The following PDE4DIP variants were observed in gnomAD, a reference collection of about 807,000 sequenced individuals.
PDE4DIP encodes the protein myomegalin.
In PDE4DIP, 59 loss-of-function variants were observed where a neutral mutation model predicts 221.4. The ratio of observed to expected loss-of-function variants is 0.27; its 90% CI spans 0.22 to 0.33. The LOEUF (loss-of-function observed/expected upper bound fraction) is 0.33. Among genes scored for constraint, PDE4DIP ranks in the 10% least tolerant of loss-of-function variants. The probability of loss-of-function intolerance (pLI) is 1.00; values close to 1 mark genes in which losing one functional copy is unlikely to be tolerated. For synonymous variants in PDE4DIP, 404 were observed against 815.9 expected (o/e 0.50, Z 8.60); for missense variants, 1,036 against 2,154.2 (o/e 0.48, Z 10.28).
chr1:148,998,629 C>T (rs1470193540), intron 23 of PDE4DIP, among the ~76,000 whole-genome samples: 2 of 149,340 alleles, frequency 1.3e-5, no homozygotes, highest in East Asian at 2.0e-4. Context: ...TGTTACATGA[C>T]CAGTATTGCT....
At chr1:148,820,789 G>A (rs1250640770) in intron 1 of PDE4DIP, among the ~76,000 whole-genome samples, 1 of 147,250 alleles carries the variant, frequency 6.8e-6, no homozygotes, top group East Asian at 2.0e-4. Flanking sequence ...AAGGTATCCC[G>A]AGCTAAATGA....
intron 9 of PDE4DIP, among the ~76,000 whole-genome samples, chr1:148,963,858 A>T (rs1284261915): frequency 7.7e-6 from 1 of 130,504 alleles, no homozygotes; most frequent in Non-Finnish European, 1.5e-5. Context: ...GGTTCACGCC[A>T]TTCTCCTGCC....
At chr1:149,009,901 G>A (rs1575313861) in intron 30 of PDE4DIP, 110 bp downstream of exon 33, 2 of 882,742 alleles carry the variant, frequency 2.3e-6, no homozygotes, top group African/African-American at 1.6e-5. Context: ...CATGGCTGTG[G>A]GGCCAAGTGC....
At chr1:149,018,634 C>G (rs374118946) in exon 35 of PDE4DIP, 2 of 1,612,688 alleles carry the variant, frequency 1.2e-6, no homozygotes, top group African/African-American at 2.7e-5. Context: ...TCGAAGACTT[C>G]AGGCTCAACT....
At chr1:148,830,394 A>C (rs1553368321) in intron 1 of PDE4DIP, among the ~76,000 whole-genome samples, 12 of 42,788 alleles carry the variant, frequency 2.8e-4, no homozygotes, top group Admixed American at 4.6e-4. Flanking sequence ...GCCCCATTCC[A>C]CTCCAGCTAC....
chr1:148,975,540 A>T (rs1372802549), intron 17 of PDE4DIP, among the ~76,000 whole-genome samples: 1 of 151,948 alleles, frequency 6.6e-6, no homozygotes, highest in Non-Finnish European at 1.5e-5. Context: ...TCCTAAGAAG[A>T]TTCATTTCCT....
chr1:148,979,958 A>T lies in PDE4DIP; in HGVS notation c.2687+109A>T, dbSNP rs2060814273. The T allele has an allele frequency of 4.4e-6, 6 of 1,376,062 alleles. No homozygotes were observed. The South Asian group carries it at 7.7e-5, about 18-fold the overall frequency. 85.2% of individuals were successfully genotyped at this position (1,376,062 alleles called of 1,614,324 possible). On this transcript the variant is annotated intron_variant, in intron 20 of 43. Transcript: ENST00000369354. ...TTAAGTGCAGATGCTTATGATACTG[A>T]AGAGGGGAGAAAAAAGAGGGACAAT...
At chr1:148,953,491 G>C in intron 5 of PDE4DIP, 1 of 1,610,906 alleles carries the variant, frequency 6.2e-7, no homozygotes, top group Non-Finnish European at 8.5e-7. Flanking sequence ...AGGAAGAGAC[G>C]CCTGGTTCCT....
intron 21 of PDE4DIP, chr1:148,989,158 T>G (rs1458888948): frequency 6.2e-6 from 2 of 322,466 alleles, no homozygotes; most frequent in Non-Finnish European, 1.2e-5. Flanking sequence ...ACTCTTTTAT[T>G]CCCATATTTT....
chr1:148,822,535 G>A (rs1669563614), intron 1 of PDE4DIP, among the ~76,000 whole-genome samples: 1 of 151,394 alleles, frequency 6.6e-6, no homozygotes, highest in South Asian at 2.1e-4. Context: ...CCCCCACCCT[G>A]TCCATGGAAA....
At chr1:148,960,730 A>T (rs1553508578) in exon 6 of PDE4DIP, 1 of 534,990 alleles carries the variant, frequency 1.9e-6, no homozygotes, top group Non-Finnish European at 3.2e-6. Context: ...TCTGTATCTG[A>T]TTCCCACTTG....
At chr1:149,025,778 G>A in intron 38 of PDE4DIP, 1 of 147,236 alleles carries the variant, frequency 6.8e-6, no homozygotes, top group East Asian at 2.0e-4. Context: ...TGTGGTTCTT[G>A]TAGATTCTCA....
At chr1:149,014,867 T>C (rs1610568) in intron 32 of PDE4DIP, among the ~76,000 whole-genome samples, 1 of 151,464 alleles carries the variant, frequency 6.6e-6, no homozygotes, top group African/African-American at 2.4e-5. Flanking sequence ...GTGTGGCCAA[T>C]GGACTGGAAC....
At chr1:148,996,153 G>A (rs1379880748) in intron 22 of PDE4DIP, among the ~76,000 whole-genome samples, 2 of 152,028 alleles carry the variant, frequency 1.3e-5, no homozygotes, top group African/African-American at 4.8e-5. Flanking sequence ...AATAGAACAA[G>A]ATAACATATA....
At chr1:148,978,629 C>CAGG (rs1161392669) in intron 19 of PDE4DIP, among the ~76,000 whole-genome samples, 3 of 151,960 alleles carry the variant, frequency 2.0e-5, no homozygotes, top group Non-Finnish European at 4.4e-5. Flanking sequence ...GTCACCCAGG[C>CAGG]AGGAGTGCAG....
chr1:148,941,004 C>T (rs2050409732), intron 5 of PDE4DIP, among the ~76,000 whole-genome samples: 1 of 128,406 alleles, frequency 7.8e-6, no homozygotes. Context: ...CCTTGCCTCA[C>T]TTATCATCGT....
At chr1:149,024,355 G>A (rs1269512450) in intron 37 of PDE4DIP, 90 bp from the exon 41 acceptor site, 1 of 877,954 alleles carries the variant, frequency 1.1e-6, no homozygotes, top group Admixed American at 2.3e-5. Flanking sequence ...TGATAGTGGG[G>A]TCCTTGGCAG....
At chr1:148,953,000 C>T in intron 5 of PDE4DIP, 1 of 1,613,906 alleles carries the variant, frequency 6.2e-7, no homozygotes, top group Non-Finnish European at 8.5e-7. Context: ...GATTGAAGCG[C>T]TTTCTATTGA....
At chr1:148,940,968 G>A (rs2050399209) in intron 5 of PDE4DIP, among the ~76,000 whole-genome samples, 1 of 145,692 alleles carries the variant, frequency 6.9e-6, no homozygotes, top group Non-Finnish European at 1.5e-5. Flanking sequence ...TTTGGAATTT[G>A]GTACAATACT....
Sources: allele counts gnomAD v4.1 joint callset (sites outside exome capture counted in the v4.1 genomes callset), GRCh38; gene constraint gnomAD v4.1.1; transcripts MANE v1.5; gene names NCBI Gene and HGNC (gene_info 2026-07-23, HGNC 2026-07-21).